SMCHD1: variants seen among roughly 807,000 people sequenced by gnomAD.
SMCHD1 encodes structural maintenance of chromosomes flexible hinge domain containing 1.
A neutral mutation model predicts 254.7 loss-of-function variants in SMCHD1; 78 were observed. The ratio of observed to expected loss-of-function variants is 0.31; its 90% CI spans 0.26 to 0.37. SMCHD1 has a LOEUF of 0.37. Among genes scored for constraint, SMCHD1 ranks in the 10% least tolerant of loss-of-function variants. The probability of loss-of-function intolerance (pLI) is 1.00; values close to 1 mark genes in which losing one functional copy is unlikely to be tolerated. For missense variants in SMCHD1, 1,840 were observed against 2,408.1 expected, an observed-to-expected ratio of 0.76 and a Z score of 4.94; for synonymous variants, 766 against 794.9, an observed-to-expected ratio of 0.96 and a Z score of 0.61.
intron 34 of SMCHD1, among the ~76,000 whole-genome samples, chr18:2,756,889 C>G (rs553838597): frequency 6.6e-6 from 1 of 152,256 alleles, no homozygotes; most frequent in Non-Finnish European, 1.5e-5. Flanking sequence ...TGTGATCTCT[C>G]ATTCTTGACA....
At chr18:2,749,957 A>C (rs1568304832) in intron 30 of SMCHD1, 86 bp from the exon 31 acceptor site, 1 of 1,180,256 alleles carries the variant, frequency 8.5e-7, no homozygotes, top group African/African-American at 1.6e-5. Context: ...ATAGGAATAG[A>C]GGGAAAGAAC....
chr18:2,786,480 T>A (rs1598446411), intron 45 of SMCHD1, among the ~76,000 whole-genome samples: 1 of 151,914 alleles, frequency 6.6e-6, no homozygotes, highest in Admixed American at 6.6e-5. Flanking sequence ...TCACCTGAGG[T>A]CAGGAGTTCA....
intron 3 of SMCHD1, among the ~76,000 whole-genome samples, chr18:2,672,126 T>G (rs932213834): frequency 5.3e-5 from 8 of 152,236 alleles, no homozygotes; most frequent in Admixed American, 2.6e-4. Flanking sequence ...CCCTTGTACA[T>G]AATCTGATTT....
chr18:2,799,413 T>G (rs1375233926), intron 47 of SMCHD1, among the ~76,000 whole-genome samples: 1 of 152,226 alleles, frequency 6.6e-6, no homozygotes, highest in Non-Finnish European at 1.5e-5. Context: ...TCGTAAAATC[T>G]TGTATCCTAT....
intron 35 of SMCHD1, 96 bp downstream of exon 35, chr18:2,760,835 C>T (rs2143683797): frequency 3.3e-6 from 2 of 599,338 alleles, no homozygotes; most frequent in Non-Finnish European, 5.9e-6. Flanking sequence ...CACATTTTCT[C>T]ATTTAGTTTA....
Position 2,762,111 on chromosome 18 carries a change from G to A in SMCHD1, c.4441G>A (p.Val1481Ile), listed in dbSNP as rs1598416020. 1 of 1,613,258 alleles carries A rather than the reference G, an allele frequency of 6.2e-7. No homozygotes were observed. Among genetic ancestry groups the A allele is most frequent in the Non-Finnish European group, 8.5e-7 (1 of 1,179,406 alleles). ...TNILNSEQVI[V>I]EVLPNQPVKL... ...GTCTCTTTTGTTTTGTAAGGTTATA[G>A]TTGAAGTCCTGCCTAATCAACCTGT... Residue 1481 changes from valine to isoleucine, a missense_variant, in exon 36 of 48, where the codon GTT (valine) becomes ATT (isoleucine). Val to Ile is a conservative substitution (Grantham distance 29). Around this residue, in one of 9 missense-constraint regions of SMCHD1, gnomAD observed 881 missense variants for 1,009.5 expected, o/e 0.87. Coordinates refer to ENST00000320876, the MANE Select transcript of SMCHD1 (RefSeq NM_015295.3).
At chr18:2,775,068 A>ATTTTTTTTTT (rs10601895) in intron 41 of SMCHD1, among the ~76,000 whole-genome samples, 13 of 73,008 alleles carry the variant, frequency 1.8e-4, no homozygotes, top group African/African-American at 4.9e-4. Flanking sequence ...AAAAGGAACA[A>ATTTTTTTTTT]TTTTTTTTTT....
At chr18:2,763,413 G>GTTGTAATT (rs1024333599) in intron 36 of SMCHD1, among the ~76,000 whole-genome samples, 13 of 152,274 alleles carry the variant, frequency 8.5e-5, no homozygotes, top group Admixed American at 7.8e-4. Context: ...ATTTAGTAAG[G>GTTGTAATT]TAGGAACTGT....
chr18:2,740,866 T>TACAC, intron 28 of SMCHD1, 45 bp downstream of exon 28: 2 of 1,091,246 alleles, frequency 1.8e-6, no homozygotes, highest in Non-Finnish European at 2.6e-6. Context: ...TATTCATTGT[T>TACAC]ATATGTGTAA....
chr18:2,689,980 A>C (rs2074139347), intron 7 of SMCHD1, among the ~76,000 whole-genome samples: 1 of 152,000 alleles, frequency 6.6e-6, no homozygotes, highest in Non-Finnish European at 1.5e-5. Flanking sequence ...ATGCCACTAC[A>C]TTCCAATTTG....
chr18:2,695,597 A>T (rs2074269330), intron 8 of SMCHD1, among the ~76,000 whole-genome samples: 2 of 152,160 alleles, frequency 1.3e-5, no homozygotes, highest in Admixed American at 1.3e-4. Context: ...GGCGTGAGCC[A>T]TCGCGCCCGG....
At chr18:2,682,601 C>T (rs764253035) in intron 5 of SMCHD1, among the ~76,000 whole-genome samples, 8 of 152,200 alleles carry the variant, frequency 5.3e-5, no homozygotes, top group Non-Finnish European at 8.8e-5. Flanking sequence ...GGATTATGGG[C>T]GTGAGCCACC....
intron 34 of SMCHD1, chr18:2,760,349 C>A: frequency 5.2e-6 from 1 of 191,884 alleles, no homozygotes; most frequent in Non-Finnish European, 1.1e-5. Context: ...GCAAAATTTA[C>A]TTGACATGTA....
rs760059242 is a variant in SMCHD1 at position 2,729,256 on chromosome 18, T to C, written c.2914-19T>C. ...TATATTTAATAGGGGTCTTACATTA[T>C]TTTTCATCTTTCAAATAGTTTTCAG... On this transcript the variant is annotated intron_variant, in intron 23 of 47. Transcript: ENST00000320876. 1 of 1,431,998 alleles carries C rather than the reference T, an allele frequency of 7.0e-7. No individual in the cohort carries two copies. The highest frequency in any genetic ancestry group is 9.2e-7 in the Non-Finnish European group (1 of 1,089,954). 88.7% of individuals were successfully genotyped at this position (1,431,998 alleles called of 1,614,324 possible). A position where few individuals can be genotyped will look rare whatever the true frequency, so the allele number is the denominator to read the frequency against.
intron 27 of SMCHD1, 150 bp downstream of exon 27, chr18:2,739,670 G>A (rs1379644869): frequency 3.3e-6 from 2 of 602,850 alleles, no homozygotes; most frequent in Non-Finnish European, 5.7e-6. Flanking sequence ...TAAGATTGAA[G>A]TATTTTCATT....
At chr18:2,700,448 T>C (rs1010933163) in intron 10 of SMCHD1, 91 bp from the exon 11 acceptor site, 2 of 1,363,368 alleles carry the variant, frequency 1.5e-6, no homozygotes, top group African/African-American at 1.5e-5. Context: ...TTAGGTTTTA[T>C]AGAATGCAAT....
chr18:2,686,118 C>A (rs664519), intron 5 of SMCHD1, among the ~76,000 whole-genome samples: 125,975 of 152,088 alleles, frequency 0.83, 55,411 homozygotes, highest in East Asian at 1. Flanking sequence ...GTCTGATAGG[C>A]TCTCTCTCTT....
chr18:2,794,116 A>G (rs950285985), intron 45 of SMCHD1, among the ~76,000 whole-genome samples: 3 of 152,210 alleles, frequency 2.0e-5, no homozygotes, highest in Non-Finnish European at 4.4e-5. Flanking sequence ...TGGCAAAATC[A>G]AGGATGATGT....
intron 41 of SMCHD1, among the ~76,000 whole-genome samples, chr18:2,774,151 T>C (rs2076028408): frequency 6.6e-6 from 1 of 152,152 alleles, no homozygotes; most frequent in Admixed American, 6.5e-5. Context: ...AAACATATTA[T>C]AGTTATACTT....
Sources: gnomAD v4.1 joint callset for allele counts (sites outside exome capture counted in the v4.1 genomes callset) on GRCh38, gnomAD v4.1.1 for gene constraint, gnomAD v4.1.1 regional missense constraint, MANE v1.5 for transcripts, NCBI Gene and HGNC (gene_info 2026-07-23, HGNC 2026-07-21) for gene names.